THRB: variants seen among roughly 807,000 people sequenced by gnomAD.
THRB encodes the protein nuclear receptor subfamily 1 group A member 2.
In THRB, 12 loss-of-function variants were observed where a neutral mutation model predicts 47.8. The ratio of observed to expected loss-of-function variants is 0.25; its 90% CI spans 0.16 to 0.41. The LOEUF (loss-of-function observed/expected upper bound fraction) is 0.41, where lower values mean the gene tolerates loss of function less well. Among genes scored for constraint, THRB ranks in the 10% least tolerant of loss-of-function variants. The probability of loss-of-function intolerance (pLI) is 1.00; values close to 1 mark genes in which losing one functional copy is unlikely to be tolerated. For missense variants in THRB, 348 were observed against 589.2 expected, an observed-to-expected ratio of 0.59 and a Z score of 4.24; for synonymous variants, 218 against 212.2, an observed-to-expected ratio of 1.03 and a Z score of -0.24.
At chr3:24,153,834 T>C (rs1336704855) in intron 5 of THRB, among the ~76,000 whole-genome samples, 1 of 152,190 alleles carries the variant, frequency 6.6e-6, no homozygotes, top group Admixed American at 6.5e-5. Flanking sequence ...TTTCTCCCTA[T>C]CATGGTCCTT....
chr3:24,188,888 A>G (rs1179494088), intron 5 of THRB, among the ~76,000 whole-genome samples: 1 of 75,074 alleles, frequency 1.3e-5, no homozygotes, highest in African/African-American at 1.1e-4. Context: ...TATATATGAG[A>G]GAAAGAGAGT....
chr3:24,413,809 A>G (rs1380218257), intron 1 of THRB, among the ~76,000 whole-genome samples: 3 of 151,832 alleles, frequency 2.0e-5, no homozygotes, highest in Non-Finnish European at 4.4e-5. Flanking sequence ...GAGTGAGAAC[A>G]TACCCCATGG....
intron 5 of THRB, among the ~76,000 whole-genome samples, chr3:24,185,860 C>G (rs1191053426): frequency 6.6e-6 from 1 of 152,096 alleles, no homozygotes; most frequent in Non-Finnish European, 1.5e-5. Context: ...AGGGGTGAAG[C>G]CTTGTAAGAC....
At chr3:24,163,135 A>T (rs768460404) in intron 5 of THRB, among the ~76,000 whole-genome samples, 1 of 152,214 alleles carries the variant, frequency 6.6e-6, no homozygotes, top group Admixed American at 6.5e-5. Flanking sequence ...ATCAATATGG[A>T]TAAACATGTT....
chr3:24,224,870 C>T (rs955891286), intron 4 of THRB, among the ~76,000 whole-genome samples: 7 of 152,166 alleles, frequency 4.6e-5, no homozygotes, highest in East Asian at 1.9e-4. Context: ...AGGGAGATGA[C>T]GTGACTTGCT....
intron 3 of THRB, among the ~76,000 whole-genome samples, chr3:24,233,560 G>GAAGAAAGAAAGAGAAAGAGA (rs1553658177): frequency 1.3e-5 from 1 of 77,302 alleles, no homozygotes; most frequent in Non-Finnish European, 2.8e-5. Context: ...AAAGAAAAAG[G>GAAGAAAGAAAGAGAAAGAGA]AAGAAAGAAA....
At chr3:24,429,728 A>T (rs2070167789) in intron 1 of THRB, among the ~76,000 whole-genome samples, 1 of 152,032 alleles carries the variant, frequency 6.6e-6, no homozygotes, top group Non-Finnish European at 1.5e-5. Context: ...GGCTGATCTT[A>T]AACTCCTGGC....
intron 3 of THRB, among the ~76,000 whole-genome samples, chr3:24,259,959 T>C (rs1373967821): frequency 1.3e-5 from 2 of 152,160 alleles, no homozygotes; most frequent in Non-Finnish European, 2.9e-5. Flanking sequence ...TGGTTCATGG[T>C]ACATTCACAG....
chr3:24,395,872 C>A (rs1397868547), intron 1 of THRB, among the ~76,000 whole-genome samples: 1 of 152,016 alleles, frequency 6.6e-6, no homozygotes, highest in African/African-American at 2.4e-5. Flanking sequence ...AAATATCCAC[C>A]AACTGGTGAA....
chr3:24,383,829 A>G (rs1298277355), intron 1 of THRB, among the ~76,000 whole-genome samples: 2 of 152,158 alleles, frequency 1.3e-5, no homozygotes, highest in Non-Finnish European at 2.9e-5. Context: ...AGAAAGGAAC[A>G]ATGTGTAGGA....
intron 2 of THRB, among the ~76,000 whole-genome samples, chr3:24,303,004 C>T (rs567780827): frequency 8.5e-5 from 13 of 152,118 alleles, no homozygotes; most frequent in Non-Finnish European, 1.5e-4. Flanking sequence ...TTACTGGAGT[C>T]CTTCCACTCT....
intron 4 of THRB, among the ~76,000 whole-genome samples, chr3:24,223,073 C>T (rs1201717929): frequency 6.6e-6 from 1 of 151,874 alleles, no homozygotes; most frequent in Non-Finnish European, 1.5e-5. Flanking sequence ...CATCGTTGCT[C>T]TCCTTTGGCT....
At chr3:24,447,738 C>T (rs982400218) in intron 1 of THRB, among the ~76,000 whole-genome samples, 9 of 151,980 alleles carry the variant, frequency 5.9e-5, no homozygotes, top group East Asian at 1.9e-4. Flanking sequence ...CAAGAGAACT[C>T]GAGAAAGCCT....
intron 3 of THRB, among the ~76,000 whole-genome samples, chr3:24,276,868 C>T (rs892993155): frequency 2.0e-5 from 3 of 152,158 alleles, no homozygotes; most frequent in Non-Finnish European, 4.4e-5. Flanking sequence ...AAGAAAGATT[C>T]GTAATCAACT....
chr3:24,467,449 C>G (rs1333295168), intron 1 of THRB, among the ~76,000 whole-genome samples: 1 of 152,154 alleles, frequency 6.6e-6, no homozygotes, highest in Non-Finnish European at 1.5e-5. Flanking sequence ...TTACTTTACA[C>G]AGATCAATCA....
chr3:24,289,369 A>G (rs1020896421), intron 3 of THRB, among the ~76,000 whole-genome samples: 2 of 152,224 alleles, frequency 1.3e-5, no homozygotes, highest in African/African-American at 4.8e-5. Flanking sequence ...TTAAAACATA[A>G]AAAATTGCCA....
chr3:24,210,472 A>C (rs1300696893), intron 4 of THRB, among the ~76,000 whole-genome samples: 2 of 151,414 alleles, frequency 1.3e-5, no homozygotes, highest in African/African-American at 4.9e-5. Flanking sequence ...TTTGGTGGTC[A>C]CAACTTGGAG....
chr3:24,176,831 T>A (rs2041220848), intron 5 of THRB, among the ~76,000 whole-genome samples: 1 of 152,130 alleles, frequency 6.6e-6, no homozygotes. Context: ...AAGTTTCTTT[T>A]GGGATGATGG....
chr3:24,414,710 A>G (rs1166185920), intron 1 of THRB, among the ~76,000 whole-genome samples: 2 of 151,898 alleles, frequency 1.3e-5, no homozygotes, highest in Admixed American at 1.3e-4. Flanking sequence ...AAAATATAAA[A>G]CATCTCTTCA....
Sources: allele counts gnomAD v4.1 joint callset (sites outside exome capture counted in the v4.1 genomes callset), GRCh38; gene constraint gnomAD v4.1.1; transcripts MANE v1.5; gene names NCBI Gene and HGNC (gene_info 2026-07-23, HGNC 2026-07-21).